The following TMEM38B variants were observed in gnomAD, a reference collection of about 807,000 sequenced individuals.
TMEM38B encodes the protein transmembrane protein 38B.
TMEM38B carries 24 observed loss-of-function variants against 28.7 expected under a neutral mutation model. That is an observed-to-expected ratio of 0.84 (90% CI 0.61 to 1.18). The LOEUF is 1.18. Among genes scored for constraint, TMEM38B ranks in the 50% most tolerant of loss-of-function variants. TMEM38B has a pLI of 0.00. For synonymous variants in TMEM38B, 131 were observed against 127.7 expected (o/e 1.03, Z -0.17); for missense variants, 380 against 350.9 (o/e 1.08, Z -0.66).
chr9:105,740,492 C>T (rs6477459), intron 4 of TMEM38B, among the ~76,000 whole-genome samples: 31,737 of 151,834 alleles, frequency 0.21, 5,137 homozygotes, highest in East Asian at 0.46. Flanking sequence ...GTCTTGAACT[C>T]GTGAGGTCAA....
At chr9:105,740,258 GT>G (rs752667662) in intron 4 of TMEM38B, among the ~76,000 whole-genome samples, 1 of 100,110 alleles carries the variant, frequency 1.0e-5, no homozygotes, top group Non-Finnish European at 1.8e-5. Context: ...TTATTCCTAG[GT>G]GTTTTTTTTT....
At chr9:105,737,768 A>G (rs7047435) in intron 4 of TMEM38B, among the ~76,000 whole-genome samples, 35,502 of 152,082 alleles carry the variant, frequency 0.23, 6,797 homozygotes, top group African/African-American at 0.51. Flanking sequence ...TGGGAATTGG[A>G]GTGCCACGTC....
intron 4 of TMEM38B, among the ~76,000 whole-genome samples, chr9:105,742,753 C>T (rs1217357534): frequency 6.6e-6 from 1 of 152,150 alleles, no homozygotes; most frequent in Admixed American, 6.5e-5. Context: ...TAATGAGCCA[C>T]TGTGGTGCAG....
chr9:105,733,833 TTTTA>T (rs1836865118), intron 4 of TMEM38B, among the ~76,000 whole-genome samples: 1 of 152,104 alleles, frequency 6.6e-6, no homozygotes, highest in Admixed American at 6.6e-5. Flanking sequence ...TTGTTTCTGA[TTTTA>T]TTTAAGTCTT....
At chr9:105,734,021 G>C (rs1485196628) in intron 4 of TMEM38B, among the ~76,000 whole-genome samples, 1 of 150,640 alleles carries the variant, frequency 6.6e-6, no homozygotes, top group East Asian at 1.9e-4. Context: ...TTATTTCCTT[G>C]ATGCATAATG....
intron 4 of TMEM38B, among the ~76,000 whole-genome samples, chr9:105,729,145 A>G (rs1316051949): frequency 6.6e-6 from 1 of 152,162 alleles, no homozygotes; most frequent in Non-Finnish European, 1.5e-5. Context: ...TTAGTCATGA[A>G]GTCTTTGCCC....
intron 4 of TMEM38B, among the ~76,000 whole-genome samples, chr9:105,737,356 A>T (rs1400359890): frequency 6.6e-6 from 1 of 152,084 alleles, no homozygotes; most frequent in Non-Finnish European, 1.5e-5. Flanking sequence ...AGAGTCCCAG[A>T]GTCAAGAGTA....
intron 2 of TMEM38B, among the ~76,000 whole-genome samples, chr9:105,706,692 CT>C (rs1200573629): frequency 4.0e-5 from 6 of 149,132 alleles, no homozygotes; most frequent in East Asian, 2.0e-4. Context: ...CTTTCTCTCT[CT>C]TTTTTTTTTC....
intron 1 of TMEM38B, among the ~76,000 whole-genome samples, chr9:105,697,844 G>A (rs919847285): frequency 6.6e-6 from 1 of 151,990 alleles, no homozygotes; most frequent in African/African-American, 2.4e-5. Flanking sequence ...CAGGCCTAAG[G>A]TTATAAAAAT....
chr9:105,743,026 A>T (rs1837260777), intron 4 of TMEM38B, among the ~76,000 whole-genome samples: 1 of 152,112 alleles, frequency 6.6e-6, no homozygotes, highest in African/African-American at 2.4e-5. Flanking sequence ...GGTCCCGCGG[A>T]TCTGTTCCTT....
At chr9:105,730,583 A>G (rs1428265127) in intron 4 of TMEM38B, among the ~76,000 whole-genome samples, 5 of 152,188 alleles carry the variant, frequency 3.3e-5, no homozygotes, top group African/African-American at 9.6e-5. Context: ...GCCTCATAAA[A>G]TGAGTTAGGG....
chr9:105,744,156 G>A (rs187215054), intron 4 of TMEM38B, among the ~76,000 whole-genome samples: 150 of 151,816 alleles, frequency 9.9e-4, no homozygotes, highest in African/African-American at 2.4e-3. Context: ...CAAAGAATTC[G>A]TATGTAAAAT....
Position 105,773,964 on chromosome 9 carries a change from T to C in TMEM38B, c.760T>C (p.Cys254Arg), listed in dbSNP as rs774113573. ...LFGWQQPFSS[C>R]EKKSEAKSPS... ...TGGCTGGCAGCAGCCGTTTTCATCA[T>C]GTGAGAAGAAAAGTGAAGCAAAGTC... Residue 254 changes from cysteine (C) to arginine (R), a missense_variant, in exon 6 of 6, where the codon TGT becomes CGT. Coordinates refer to ENST00000374692, the MANE Select transcript of TMEM38B (RefSeq NM_018112.3). The C allele has an allele frequency of 6.2e-6, 10 of 1,613,668 alleles. No individual in the cohort carries two copies. Among genetic ancestry groups the C allele is most frequent in the African/African-American group, 4.0e-5 (3 of 74,912 alleles).
chr9:105,702,337 T>C (rs774431896), intron 1 of TMEM38B, among the ~76,000 whole-genome samples: 5 of 152,286 alleles, frequency 3.3e-5, no homozygotes, highest in African/African-American at 1.2e-4. Context: ...GCTAGAACAT[T>C]CCCATGCTTC....
intron 5 of TMEM38B, among the ~76,000 whole-genome samples, chr9:105,767,644 T>C (rs1475391300): frequency 1.3e-5 from 2 of 152,204 alleles, no homozygotes; most frequent in Non-Finnish European, 2.9e-5. Context: ...TTGTTTTATA[T>C]GTATCTTGTT....
chr9:105,717,010 G>T (rs949224579), intron 2 of TMEM38B, among the ~76,000 whole-genome samples: 2 of 152,144 alleles, frequency 1.3e-5, no homozygotes, highest in Non-Finnish European at 2.9e-5. Context: ...TTGCATAGGG[G>T]TTGGCATCCC....
intron 4 of TMEM38B, among the ~76,000 whole-genome samples, chr9:105,737,720 G>A (rs1837039955): frequency 6.6e-6 from 1 of 152,160 alleles, no homozygotes; most frequent in African/African-American, 2.4e-5. Context: ...GGTGCCAAGG[G>A]GGATCAACTG....
chr9:105,761,994 G>C (rs1169735216), intron 5 of TMEM38B, among the ~76,000 whole-genome samples: 5 of 151,838 alleles, frequency 3.3e-5, no homozygotes. Flanking sequence ...TGATCGACTT[G>C]GTACAAACTT....
At position 105,708,642 on chromosome 9, in the gene TMEM38B, C is replaced by G. The variant is rs1835769376; in HGVS notation, c.269+2889C>G. On this transcript the variant is annotated intron_variant, in intron 2 of 5. Coordinates refer to ENST00000374692, the MANE Select transcript of TMEM38B (RefSeq NM_018112.3). ...TCTAGTCACATGAGCTTTGCTATTT[C>G]TTGAATGTTCCAACGTAAGGTATTC... 4.6e-5 allele frequency among the ~76,000 whole-genome samples: 7 copies of G among 152,244 alleles called. No homozygotes were observed. The South Asian group carries it at 1.5e-3, about 32-fold the overall frequency.
Sources: gnomAD v4.1 joint callset for allele counts (sites outside exome capture counted in the v4.1 genomes callset) on GRCh38, gnomAD v4.1.1 for gene constraint, MANE v1.5 for transcripts, NCBI Gene and HGNC (gene_info 2026-07-23, HGNC 2026-07-21) for gene names.